The following ARID3A variants were observed in gnomAD, a reference collection of about 807,000 sequenced individuals.
ARID3A encodes the protein AT-rich interactive domain-containing protein 3A.
Under a neutral mutation model 52.7 loss-of-function variants are expected in ARID3A, and 11 were observed. The ratio of observed to expected loss-of-function variants is 0.21; its 90% confidence interval spans 0.13 to 0.35. ARID3A has a LOEUF of 0.35. ARID3A is among the 10% of genes least tolerant of loss of function. The pLI is 1.00. For synonymous variants in ARID3A, 404 were observed against 359.4 expected (o/e 1.12, Z -1.40); for missense variants, 721 against 838.5 (o/e 0.86, Z 1.73).
chr19:968,732 G>GTTCACAA (rs2038216791), intron 8 of ARID3A: 1 of 474,522 alleles, frequency 2.1e-6, no homozygotes, highest in African/African-American at 2.0e-5. Context: ...CATATTCAGT[G>GTTCACAA]TGACGTTGGA....
At chr19:965,584 C>T (rs1379795906) in intron 6 of ARID3A, among the ~76,000 whole-genome samples, 1 of 151,856 alleles carries the variant, frequency 6.6e-6, no homozygotes, top group Non-Finnish European at 1.5e-5. Context: ...GTCCCAGCTA[C>T]CCAGGAAGCT....
chr19:968,622 A>G, intron 8 of ARID3A, 119 bp downstream of exon 8: 1 of 853,076 alleles, frequency 1.2e-6, no homozygotes, highest in Non-Finnish European at 1.9e-6. Context: ...CGAGCAGGGC[A>G]CGGCCAGGGG....
rs1290647314 is a variant in ARID3A at position 975,285 on chromosome 19, G to C, written c.*3220G>C. On this transcript the variant is annotated 3_prime_UTR_variant, in exon 9 of 9. Transcript: ENST00000263620. ...ACGGGGGCTCCCCCTGCTCTGAGAT[G>C]TTGGGAGAAAGGCGGCTTCTGGAAC... 4.5e-6 allele frequency: 1 copy of C among 222,386 alleles called. No homozygotes were observed. The highest frequency in any genetic ancestry group is 9.0e-6 in the Non-Finnish European group (1 of 111,246). 13.8% of individuals were successfully genotyped at this position (222,386 alleles called of 1,614,324 possible). A position where few individuals can be genotyped will look rare whatever the true frequency, so the allele number is the denominator to read the frequency against.
rs1003985611 is a variant in ARID3A, at chr19:942,812, A to G, written c.693+10070A>G. ...CTCAGAGACGGAGAACGTGAGAGCA[A>G]GTAAGAACCCGCCTTCCGGGAGGAG... On this transcript the variant is annotated intron_variant, in intron 3 of 8. Transcript: ENST00000263620. The surrounding 1 kb of genome is among the most constrained non-coding windows in gnomAD (Gnocchi z 8.1). Among the ~76,000 whole-genome samples the G allele has an allele frequency of 6.6e-6, 1 of 152,318 alleles. No homozygotes were observed. Among genetic ancestry groups the G allele is most frequent in the South Asian group, 2.1e-4 (1 of 4,826 alleles).
chr19:966,362 G>C (rs1291468269), intron 6 of ARID3A, among the ~76,000 whole-genome samples: 1 of 151,290 alleles, frequency 6.6e-6, no homozygotes. Flanking sequence ...GGAGGCTAAG[G>C]CAGGAGAATC....
rs373187656 is a variant in ARID3A, at chr19:959,789, G to A, written c.694-303G>A. Among the ~76,000 whole-genome samples the A allele has an allele frequency of 2.8e-4, 42 of 152,260 alleles. No homozygotes were observed. Among genetic ancestry groups the A allele is most frequent in the African/African-American group, 9.9e-4 (41 of 41,538 alleles). On this transcript the variant is annotated intron_variant, in intron 3 of 8. Coordinates refer to ENST00000263620, the MANE Select transcript of ARID3A (RefSeq NM_005224.3). This position sits in a 1 kb window ranked among gnomAD's most constrained non-coding sequence, Gnocchi z 5.0. ...GAGCGCTGCGGCCACAAGCCAGGAC[G>A]CACCTTGATCTGGGGTTCCCGGGCC...
At chr19:931,016 G>A (rs959651262) in intron 2 of ARID3A, among the ~76,000 whole-genome samples, 1 of 152,088 alleles carries the variant, frequency 6.6e-6, no homozygotes, top group East Asian at 1.9e-4. Flanking sequence ...CAAAGATGCT[G>A]GGCGCAGTGG....
intron 3 of ARID3A, among the ~76,000 whole-genome samples, chr19:935,498 G>A (rs1311713382): frequency 6.6e-6 from 1 of 152,152 alleles, no homozygotes; most frequent in Non-Finnish European, 1.5e-5. Flanking sequence ...TTATTTTTGA[G>A]GCAGGGTCTT....
At chr19:935,676 C>T (rs2037424341) in intron 3 of ARID3A, among the ~76,000 whole-genome samples, 1 of 152,060 alleles carries the variant, frequency 6.6e-6, no homozygotes, top group South Asian at 2.1e-4. Flanking sequence ...GCTATGTTGC[C>T]CAGGCTGGTC....
chr19:972,588 C>G lies in ARID3A; in HGVS notation c.*523C>G, dbSNP rs978901773. Reference sequence around the variant, plus strand: ...CTCGTGTCCAGTGAAACCCCTGAACCAAGATCACTGAATTTTTGTTTTTTT... The same window carrying G: ...CTCGTGTCCAGTGAAACCCCTGAACGAAGATCACTGAATTTTTGTTTTTTT... On this transcript the variant is annotated 3_prime_UTR_variant, in exon 9 of 9. Coordinates refer to ENST00000263620, the MANE Select transcript of ARID3A (RefSeq NM_005224.3). The G allele has an allele frequency of 3.6e-5, 8 of 221,046 alleles. No individual in the cohort carries two copies. Among genetic ancestry groups the G allele is most frequent in the African/African-American group, 1.6e-4 (7 of 44,460 alleles). The allele number at this position is 221,046 out of a possible 1,614,324, so 13.7% of individuals were successfully genotyped here.
rs755300957 is a variant in ARID3A, at chr19:964,178, G to A, written c.767-70G>A. The A allele has an allele frequency of 2.0e-5, 27 of 1,345,486 alleles. No individual in the cohort carries two copies. Among genetic ancestry groups the A allele is most frequent in the African/African-American group, 2.9e-5 (2 of 69,384 alleles). The allele number at this position is 1,345,486 out of a possible 1,614,324, so 83.3% of individuals were successfully genotyped here. The stretch of plus-strand genomic sequence containing the variant: ...GGAGTGCTCCTGGCATGGAGAGGGC[G>A]GAGGCCAGGACACTCGGCTCCCTGC... On this transcript the variant is annotated intron_variant, in intron 4 of 8. Coordinates refer to ENST00000263620, the MANE Select transcript of ARID3A (RefSeq NM_005224.3). The surrounding 1 kb of genome is among the most constrained non-coding windows in gnomAD (Gnocchi z 5.7).
At chr19:967,066 TG>T (rs1245159830) in intron 7 of ARID3A, among the ~76,000 whole-genome samples, 198 bp downstream of exon 7, 3 of 152,078 alleles carry the variant, frequency 2.0e-5, no homozygotes, top group African/African-American at 7.2e-5. Context: ...GAGATCAGCC[TG>T]GGCAACATGG....
At chr19:957,058 GCTTTCTAATTATCC>G (rs1488972850) in intron 3 of ARID3A, among the ~76,000 whole-genome samples, 1 of 152,186 alleles carries the variant, frequency 6.6e-6, no homozygotes, top group African/African-American at 2.4e-5. Context: ...CCTGAACTCC[GCTTTCTAATTATCC>G]CTGCCGGCTT....
At chr19:954,225 G>A (rs1482624266) in intron 3 of ARID3A, among the ~76,000 whole-genome samples, 2 of 152,192 alleles carry the variant, frequency 1.3e-5, no homozygotes, top group Non-Finnish European at 2.9e-5. Context: ...TGGCAGGAGG[G>A]GCGGCCGGGG....
intron 3 of ARID3A, among the ~76,000 whole-genome samples, chr19:955,552 G>A (rs349312): frequency 0.77 from 116,474 of 152,122 alleles, 45,672 homozygotes; most frequent in Middle Eastern, 0.86. Context: ...GCTGATTGCT[G>A]CCTGGCGCCT....
intron 6 of ARID3A, among the ~76,000 whole-genome samples, 153 bp from the exon 7 acceptor site, chr19:966,419 T>C (rs1241762486): frequency 2.1e-5 from 3 of 145,224 alleles, no homozygotes; most frequent in Non-Finnish European, 4.5e-5. Flanking sequence ...GATCGCACCA[T>C]TGCACTCCAG....
intron 3 of ARID3A, among the ~76,000 whole-genome samples, chr19:957,452 G>T (rs970335982): frequency 6.6e-6 from 1 of 152,200 alleles, no homozygotes; most frequent in African/African-American, 2.4e-5. Flanking sequence ...GCTCCCGTCC[G>T]ACCCTCAGGA....
rs978004042 is a variant in ARID3A at position 960,848 on chromosome 19, G to A, written c.766+684G>A. On this transcript the variant is annotated intron_variant, in intron 4 of 8. Coordinates refer to ENST00000263620, the MANE Select transcript of ARID3A (RefSeq NM_005224.3). The surrounding 1 kb of genome is among the most constrained non-coding windows in gnomAD (Gnocchi z 4.3). ...CCCCAAAGTCTCCTGGCCTAGAGAG[G>A]GCAGGTCTGGGCTGGTGTCCAGGTG... 6.6e-6 allele frequency among the ~76,000 whole-genome samples: 1 copy of A among 152,184 alleles called. No homozygotes were observed. The highest frequency in any genetic ancestry group is 1.5e-5 in the Non-Finnish European group (1 of 68,034).
chr19:927,375 G>GA (rs1333019780), intron 1 of ARID3A, among the ~76,000 whole-genome samples: 1 of 151,826 alleles, frequency 6.6e-6, no homozygotes, highest in Non-Finnish European at 1.5e-5. Context: ...CGATGGGGGG[G>GA]CACCCAGCCC....
Sources: allele counts gnomAD v4.1 joint callset (sites outside exome capture counted in the v4.1 genomes callset), GRCh38; gene constraint gnomAD v4.1.1; non-coding constraint Gnocchi (gnomAD v3.1); transcripts MANE v1.5; gene names NCBI Gene and HGNC (gene_info 2026-07-23, HGNC 2026-07-21).